ZNF609: variants seen among roughly 807,000 people sequenced by gnomAD.
ZNF609 encodes zinc finger protein 609.
A neutral mutation model predicts 109.5 loss-of-function variants in ZNF609; 11 were observed. The ratio of observed to expected loss-of-function variants is 0.10; its 90% CI spans 0.06 to 0.17. ZNF609 has a LOEUF of 0.17. ZNF609 is among the 10% of genes least tolerant of loss of function. ZNF609 has a pLI of 1.00. For missense variants in ZNF609, 1,559 were observed against 1,772.4 expected, an observed-to-expected ratio of 0.88 and a Z score of 2.16; for synonymous variants, 646 against 662.0, an observed-to-expected ratio of 0.98 and a Z score of 0.37.
intron 1 of ZNF609, among the ~76,000 whole-genome samples, chr15:64,488,589 G>A (rs1438195335): frequency 6.6e-6 from 1 of 152,024 alleles, no homozygotes; most frequent in East Asian, 1.9e-4. Context: ...ACCCTTTTTT[G>A]TGGCTAGTCT....
intron 2 of ZNF609, among the ~76,000 whole-genome samples, chr15:64,577,960 G>A (rs1895029741): frequency 6.6e-6 from 1 of 151,664 alleles, no homozygotes; most frequent in Admixed American, 6.6e-5. Flanking sequence ...TTCAAGACTA[G>A]CCTGGGCAAC....
At chr15:64,646,811 A>C (rs1418329035) in intron 3 of ZNF609, among the ~76,000 whole-genome samples, 1 of 150,720 alleles carries the variant, frequency 6.6e-6, no homozygotes, top group Non-Finnish European at 1.5e-5. Context: ...ATGGTGGCGC[A>C]TGCCTGTAGT....
chr15:64,571,956 CTTTG>C (rs1416122305), intron 2 of ZNF609, among the ~76,000 whole-genome samples: 3 of 152,228 alleles, frequency 2.0e-5, no homozygotes, highest in African/African-American at 7.2e-5. Context: ...GGCCTTGAGT[CTTTG>C]TTTGGTTAGG....
At chr15:64,642,613 A>G (rs1896278201) in intron 3 of ZNF609, among the ~76,000 whole-genome samples, 1 of 152,136 alleles carries the variant, frequency 6.6e-6, no homozygotes, top group South Asian at 2.1e-4. Flanking sequence ...CTGCAACACT[A>G]TGAGACCTCT....
chr15:64,515,299 T>G (rs1030256791), intron 2 of ZNF609, among the ~76,000 whole-genome samples: 3 of 152,194 alleles, frequency 2.0e-5, no homozygotes, highest in Non-Finnish European at 4.4e-5. Flanking sequence ...CTTTTAGGCA[T>G]GGACTGGTGG....
At chr15:64,568,244 A>G (rs1894809112) in intron 2 of ZNF609, among the ~76,000 whole-genome samples, 1 of 152,124 alleles carries the variant, frequency 6.6e-6, no homozygotes, top group African/African-American at 2.4e-5. Flanking sequence ...TCCTACTGTC[A>G]TCTTTTATCC....
At chr15:64,519,158 G>C (rs982777133) in intron 2 of ZNF609, among the ~76,000 whole-genome samples, 5 of 151,886 alleles carry the variant, frequency 3.3e-5, no homozygotes, top group African/African-American at 1.2e-4. Context: ...GAAAATATCC[G>C]TGAAGAAGTT....
intron 5 of ZNF609, 54 bp downstream of exon 5, chr15:64,676,310 C>G: frequency 5.9e-6 from 9 of 1,514,872 alleles, no homozygotes; most frequent in Non-Finnish European, 8.0e-6. Context: ...CGTCTATCTT[C>G]CTCACAAATA....
At chr15:64,522,044 T>C (rs919668617) in intron 2 of ZNF609, among the ~76,000 whole-genome samples, 1 of 152,188 alleles carries the variant, frequency 6.6e-6, no homozygotes, top group African/African-American at 2.4e-5. Flanking sequence ...GCCTATTATG[T>C]CAGAGAGAAG....
At chr15:64,459,817 C>A (rs1412959798), upstream of ZNF609, among the ~76,000 whole-genome samples, 1 of 152,060 alleles carries the variant, frequency 6.6e-6, no homozygotes, top group Non-Finnish European at 1.5e-5. Context: ...TAAACATGGA[C>A]TGAATGCCTA....
At chr15:64,624,834 A>C (rs1895928026) in intron 3 of ZNF609, among the ~76,000 whole-genome samples, 1 of 146,498 alleles carries the variant, frequency 6.8e-6, no homozygotes, top group African/African-American at 2.5e-5. Flanking sequence ...ATCTTGGCTC[A>C]CTGCAACCTC....
At chr15:64,513,770 G>C (rs151089301) in intron 2 of ZNF609, among the ~76,000 whole-genome samples, 238 of 152,142 alleles carry the variant, frequency 1.6e-3, no homozygotes, top group African/African-American at 5.6e-3. Flanking sequence ...TATTATGAGA[G>C]GCACATGGGA....
rs1451745508 is a variant in ZNF609, at chr15:64,680,311, T to A, written c.3896T>A (p.Leu1299Gln). ...TCKSSSESKALDILQQHASHY... is the reference protein window; with the variant it reads ...TCKSSSESKAQDILQQHASHY... ...AAATCCAGCTCAGAGTCCAAAGCCC[T>A]GGACATCTTGCAGCAGCATGCCAGT... The change falls in exon 7 of 10, where the codon CTG (leucine) becomes CAG (glutamine). Residue 1299 changes from leucine (L) to glutamine (Q), a missense_variant. Coordinates refer to ENST00000326648, the MANE Select transcript of ZNF609 (RefSeq NM_015042.2). 1 of 1,614,082 alleles carries A rather than the reference T, an allele frequency of 6.2e-7. No homozygotes were observed. Among genetic ancestry groups the A allele is most frequent in the Non-Finnish European group, 8.5e-7 (1 of 1,180,034 alleles).
chr15:64,537,650 T>C (rs1017584797), intron 2 of ZNF609, among the ~76,000 whole-genome samples: 1 of 152,172 alleles, frequency 6.6e-6, no homozygotes, highest in African/African-American at 2.4e-5. Context: ...GGGAAATTAA[T>C]GGCTGGAGCA....
rs1381224028 is a variant in ZNF609 at position 64,685,650 on chromosome 15, G to A, written c.*3964G>A. ...CACCTGTGAAACTATGCAGCTGGGA[G>A]CTCTCTGCCTAAGAGTTTGCACTAT... On this transcript the variant is annotated 3_prime_UTR_variant, in exon 10 of 10. Coordinates refer to ENST00000326648, the MANE Select transcript of ZNF609 (RefSeq NM_015042.2). 1 of 152,748 alleles carries A rather than the reference G, an allele frequency of 6.5e-6. No individual in the cohort carries two copies. 9.5% of individuals were successfully genotyped at this position (152,748 alleles called of 1,614,324 possible). A position where few individuals can be genotyped will look rare whatever the true frequency, so the allele number is the denominator to read the frequency against.
At chr15:64,621,439 T>A (rs1895874875) in intron 2 of ZNF609, among the ~76,000 whole-genome samples, 2 of 151,990 alleles carry the variant, frequency 1.3e-5, no homozygotes, top group African/African-American at 4.8e-5. Context: ...AGCCTCAACC[T>A]CCTGGGCTCA....
chr15:64,676,774 G>A (rs576370543), intron 5 of ZNF609, among the ~76,000 whole-genome samples: 8 of 151,232 alleles, frequency 5.3e-5, no homozygotes, highest in Non-Finnish European at 1.0e-4. Context: ...TTTATTTTGA[G>A]ATGGAGTCTG....
At chr15:64,463,369 A>C (rs1346067391) in intron 1 of ZNF609, among the ~76,000 whole-genome samples, 1 of 151,814 alleles carries the variant, frequency 6.6e-6, no homozygotes, top group Non-Finnish European at 1.5e-5. Context: ...GCTGTACTCC[A>C]GCCTGGGTGA....
At chr15:64,468,586 C>T (rs1210996535) in intron 1 of ZNF609, among the ~76,000 whole-genome samples, 2 of 152,048 alleles carry the variant, frequency 1.3e-5, no homozygotes, top group Non-Finnish European at 2.9e-5. Flanking sequence ...GATGGAGTCT[C>T]ACTATGTTGT....
Sources: allele counts gnomAD v4.1 joint callset (sites outside exome capture counted in the v4.1 genomes callset), GRCh38; gene constraint gnomAD v4.1.1; transcripts MANE v1.5; gene names NCBI Gene and HGNC (gene_info 2026-07-23, HGNC 2026-07-21).